Variants in AKAP6 observed in about 807,000 individuals in gnomAD.
AKAP6 encodes the protein A-kinase anchoring protein 6.
In AKAP6, 58 loss-of-function variants were observed where a neutral mutation model predicts 188.5. The ratio of observed to expected loss-of-function variants is 0.31; its 90% confidence interval spans 0.25 to 0.38. The LOEUF (loss-of-function observed/expected upper bound fraction) is 0.38. Among genes scored for constraint, AKAP6 ranks in the 10% least tolerant of loss-of-function variants. AKAP6 has a pLI of 1.00. For synonymous variants in AKAP6, 989 were observed against 998.6 expected, an observed-to-expected ratio of 0.99 and a Z score of 0.18; for missense variants, 2,710 against 2,740.0, an observed-to-expected ratio of 0.99 and a Z score of 0.24.
In AKAP6 at chr14:32,823,812, A is replaced by T. The variant is rs748316437; in HGVS notation, c.5999A>T (p.Asp2000Val). 7.4e-6 allele frequency: 12 copies of T among 1,613,494 alleles called. No homozygotes were observed. Among genetic ancestry groups the T allele is most frequent in the Non-Finnish European group, 1.0e-5 (12 of 1,179,932 alleles). The change falls in exon 13 of 14, where the codon GAT (aspartate) becomes GTT (valine). Residue 2000 changes from aspartate to valine, a missense_variant. Asp to Val is a radical substitution (Grantham distance 152). Coordinates refer to ENST00000280979, the MANE Select transcript of AKAP6 (RefSeq NM_004274.5). ...AGGTTTAACAACAGACAAGACTCTGATGCACTGAAATCATCTGATGATGCA... is the reference window on the plus strand; with the variant it reads ...AGGTTTAACAACAGACAAGACTCTGTTGCACTGAAATCATCTGATGATGCA... ...ETRFNNRQDSDALKSSDDAPS... is the reference protein window; with the variant it reads ...ETRFNNRQDSVALKSSDDAPS...
At chr14:32,814,829 A>T (rs997385544) in intron 12 of AKAP6, among the ~76,000 whole-genome samples, 5 of 152,176 alleles carry the variant, frequency 3.3e-5, no homozygotes, top group African/African-American at 9.6e-5. Context: ...CCTGGGCTCA[A>T]GCAGTCCTCC....
rs553406078 is a variant in AKAP6 at position 32,398,958 on chromosome 14, G to A, written c.-34-34502G>A. 1.9e-3 allele frequency among the ~76,000 whole-genome samples: 283 copies of A among 147,406 alleles called. 1 individual carries two copies. The highest frequency in any genetic ancestry group is 6.9e-3 in the African/African-American group (274 of 39,730). The stretch of plus-strand genomic sequence containing the variant: ...CCTCCGCCTCCTGGGTTCAAGCAAT[G>A]CTCCTGCCTGCCTCAGCCTCCCAAG... On this transcript the variant is annotated intron_variant, in intron 1 of 13. Coordinates refer to ENST00000280979, the MANE Select transcript of AKAP6 (RefSeq NM_004274.5).
At chr14:32,577,046 T>C (rs1884751750) in intron 4 of AKAP6, 74 bp from the exon 5 acceptor site, 4 of 1,524,244 alleles carry the variant, frequency 2.6e-6, no homozygotes, top group Admixed American at 2.3e-5. Context: ...ACTTTTAATA[T>C]TGGCTTTTTA....
intron 1 of AKAP6, among the ~76,000 whole-genome samples, chr14:32,406,647 T>C (rs982089008): frequency 3.3e-5 from 5 of 152,230 alleles, no homozygotes; most frequent in African/African-American, 1.2e-4. Flanking sequence ...GTCAGTTTAT[T>C]ATTGTTTTAC....
At chr14:32,593,660 T>C (rs931627668) in intron 5 of AKAP6, among the ~76,000 whole-genome samples, 18 of 152,192 alleles carry the variant, frequency 1.2e-4, no homozygotes, top group Non-Finnish European at 1.5e-4. Context: ...CTGCCTGGCT[T>C]AGAGAAGATA....
At chr14:32,656,625 A>G (rs1594817800) in intron 7 of AKAP6, among the ~76,000 whole-genome samples, 2 of 152,314 alleles carry the variant, frequency 1.3e-5, no homozygotes, top group South Asian at 4.1e-4. Flanking sequence ...AGGGGAATAC[A>G]TACGTTTAGT....
At chr14:32,763,432 G>T (rs1278486357) in intron 11 of AKAP6, among the ~76,000 whole-genome samples, 1 of 152,062 alleles carries the variant, frequency 6.6e-6, no homozygotes, top group Non-Finnish European at 1.5e-5. Flanking sequence ...ACAGTGTTAT[G>T]CTTTTAAAAT....
chr14:32,773,904 C>CT lies in AKAP6; in HGVS notation c.3588+18dup, dbSNP rs748601364. 1.9e-6 allele frequency: 3 copies of CT among 1,610,664 alleles called. No homozygotes were observed. The highest frequency in any genetic ancestry group is 8.5e-7 in the Non-Finnish European group (1 of 1,177,170). ...ATGGGAAAGGAATCTGTGAGTGATG[C>CT]TTTTTTTAAGCATAATTGTCTGTCA... On this transcript the variant is annotated intron_variant, in intron 12 of 13. Coordinates refer to ENST00000280979, the MANE Select transcript of AKAP6 (RefSeq NM_004274.5).
intron 7 of AKAP6, among the ~76,000 whole-genome samples, chr14:32,629,843 G>A (rs1241807719): frequency 1.3e-5 from 2 of 151,240 alleles, no homozygotes; most frequent in Non-Finnish European, 2.9e-5. Flanking sequence ...GAGAGGCTGA[G>A]GCAGGAGGAT....
At chr14:32,423,664 A>T (rs1447858664) in intron 1 of AKAP6, among the ~76,000 whole-genome samples, 1 of 152,184 alleles carries the variant, frequency 6.6e-6, no homozygotes, top group East Asian at 1.9e-4. Context: ...AGGTCACAAC[A>T]TATAAATAGC....
chr14:32,696,190 A>T lies in AKAP6; in HGVS notation c.3000+80A>T, dbSNP rs1480036276. 3 of 1,505,956 alleles carry T rather than the reference A, an allele frequency of 2.0e-6. No individual in the cohort carries two copies. In the African/African-American group the frequency reaches 4.3e-5, roughly 21 times the overall value. The allele number at this position is 1,505,956 out of a possible 1,614,324, so 93.3% of individuals were successfully genotyped here. The stretch of plus-strand genomic sequence containing the variant: ...CAAGTCTCTCTCTCTCTCTCAGGAT[A>T]TCTTTTCGTTCATTGTATGTATCAT... On this transcript the variant is annotated intron_variant, in intron 9 of 13. Coordinates refer to ENST00000280979, the MANE Select transcript of AKAP6 (RefSeq NM_004274.5).
At chr14:32,510,404 G>A (rs12893317) in intron 2 of AKAP6, among the ~76,000 whole-genome samples, 111 of 74,654 alleles carry the variant, frequency 1.5e-3, no homozygotes, top group African/African-American at 5.7e-3. Flanking sequence ...GTATATATAT[G>A]TATATATATG....
Position 32,362,623 on chromosome 14 carries a change from G to A in AKAP6, c.-35+33215G>A, listed in dbSNP as rs546687199. Among the ~76,000 whole-genome samples, 6 of 152,240 alleles carry A rather than the reference G, an allele frequency of 3.9e-5. No individual in the cohort carries two copies. The South Asian group carries it at 8.3e-4, about 21-fold the overall frequency. On this transcript the variant is annotated intron_variant, in intron 1 of 13. Transcript: ENST00000280979. ...CAAAGGTGTGGAAGCATGAGCAAAC[G>A]TGGCCTGTACCAGGTGATGTAACTG...
At chr14:32,800,117 C>A (rs996234043) in intron 12 of AKAP6, among the ~76,000 whole-genome samples, 1 of 143,866 alleles carries the variant, frequency 7.0e-6, no homozygotes, top group Admixed American at 7.1e-5. Flanking sequence ...TATATATACA[C>A]ATATATATAC....
At chr14:32,520,912 C>T (rs1442546696) in intron 2 of AKAP6, among the ~76,000 whole-genome samples, 1 of 152,120 alleles carries the variant, frequency 6.6e-6, no homozygotes. Flanking sequence ...GACCAATATC[C>T]CTGATGAACA....
At chr14:32,586,017 G>A (rs1007606270) in intron 5 of AKAP6, among the ~76,000 whole-genome samples, 4 of 152,102 alleles carry the variant, frequency 2.6e-5, no homozygotes, top group Admixed American at 6.5e-5. Flanking sequence ...ACAGGAGAAC[G>A]ACATGAAATC....
intron 9 of AKAP6, among the ~76,000 whole-genome samples, chr14:32,708,852 T>A (rs560812961): frequency 6.6e-6 from 1 of 152,140 alleles, no homozygotes; most frequent in South Asian, 2.1e-4. Flanking sequence ...TGCTGCAGTT[T>A]GAAAATATGC....
intron 7 of AKAP6, among the ~76,000 whole-genome samples, chr14:32,638,847 A>C (rs546564655): frequency 1.3e-5 from 2 of 152,080 alleles, no homozygotes; most frequent in East Asian, 3.9e-4. Flanking sequence ...TAACTATAAT[A>C]TACAACATAA....
chr14:32,471,437 A>G (rs1047799381), intron 2 of AKAP6, among the ~76,000 whole-genome samples: 2 of 152,260 alleles, frequency 1.3e-5, no homozygotes, highest in Admixed American at 6.5e-5. Flanking sequence ...GACCAAAAGC[A>G]AGATCATAGT....
Sources: allele counts gnomAD v4.1 joint callset (sites outside exome capture counted in the v4.1 genomes callset), GRCh38; gene constraint gnomAD v4.1.1; transcripts MANE v1.5; gene names NCBI Gene and HGNC (gene_info 2026-07-23, HGNC 2026-07-21).